Variants in TBC1D22A observed in about 807,000 individuals in gnomAD.
TBC1D22A encodes TBC1 domain family member 22A.
TBC1D22A carries 38 observed loss-of-function variants against 60.2 expected under a neutral mutation model. That is an observed-to-expected ratio of 0.63 (90% CI 0.49 to 0.83). The LOEUF is 0.83. TBC1D22A is among the 40% of genes least tolerant of loss of function. The pLI, the probability that TBC1D22A is intolerant of heterozygous loss-of-function variation, is 0.00. For synonymous variants in TBC1D22A, 302 were observed against 281.7 expected, an observed-to-expected ratio of 1.07 and a Z score of -0.72; for missense variants, 628 against 701.0, an observed-to-expected ratio of 0.90 and a Z score of 1.18.
chr22:46,852,317 C>T (rs1223237216), intron 4 of TBC1D22A, among the ~76,000 whole-genome samples: 2 of 152,222 alleles, frequency 1.3e-5, no homozygotes, highest in African/African-American at 2.4e-5. Context: ...TTTAGCACCT[C>T]CCCTCTTCCA....
chr22:46,942,167 G>T (rs1407918710), intron 8 of TBC1D22A, among the ~76,000 whole-genome samples: 2 of 151,952 alleles, frequency 1.3e-5, no homozygotes, highest in African/African-American at 4.8e-5. Flanking sequence ...ACAGTCCACA[G>T]TCTTACAGGA....
chr22:47,049,097 G>T (rs995560695), intron 11 of TBC1D22A, among the ~76,000 whole-genome samples: 1 of 152,208 alleles, frequency 6.6e-6, no homozygotes, highest in African/African-American at 2.4e-5. Flanking sequence ...GGAAGAGGAG[G>T]CCGGCGCTCC....
At chr22:46,821,314 C>A (rs950763882) in intron 4 of TBC1D22A, among the ~76,000 whole-genome samples, 3 of 152,126 alleles carry the variant, frequency 2.0e-5, no homozygotes, top group African/African-American at 7.2e-5. Flanking sequence ...CTAGTTGATG[C>A]AGTTGCTTCA....
At chr22:46,878,591 C>A in intron 4 of TBC1D22A, 62 bp from the exon 5 acceptor site, 1 of 1,441,272 alleles carries the variant, frequency 6.9e-7, no homozygotes, top group Non-Finnish European at 9.8e-7. Flanking sequence ...TGTTAAAGCA[C>A]TGGGGAGGTT....
At chr22:46,792,809 G>A in intron 2 of TBC1D22A, 1 of 1,443,208 alleles carries the variant, frequency 6.9e-7, no homozygotes, top group Admixed American at 2.8e-5. Flanking sequence ...GGGGAGGTGG[G>A]GGAGCCCTGG....
rs147698824 is a variant in TBC1D22A, at chr22:46,793,679, C to T, written c.298C>T (p.Arg100Cys). 5.2e-5 allele frequency: 84 copies of T among 1,613,106 alleles called. No homozygotes were observed. The highest frequency in any genetic ancestry group is 8.9e-5 in the East Asian group (4 of 44,862). ...CGAGGTGGTCATGGAGACGGCCAAC[C>T]GTGTGCTGCGTAACCACAGCCAGCG... Reference protein sequence around the residue: ...NSEVVMETANRVLRNHSQRQG... With the variant: ...NSEVVMETANCVLRNHSQRQG... The change falls in exon 3 of 13, where the codon CGT (arginine) becomes TGT (cysteine). Residue 100 changes from arginine (R) to cysteine (C), a missense_variant. Physicochemically the swap from Arg to Cys is radical, Grantham distance 180. Transcript: ENST00000337137.
At chr22:47,150,328 G>A (rs1408281719) in intron 12 of TBC1D22A, among the ~76,000 whole-genome samples, 9 of 152,134 alleles carry the variant, frequency 5.9e-5, no homozygotes, top group African/African-American at 2.2e-4. Flanking sequence ...CAGTGGGGTG[G>A]CGAGGGCTCC....
At chr22:47,065,258 A>G (rs910004521) in intron 11 of TBC1D22A, among the ~76,000 whole-genome samples, 1 of 152,254 alleles carries the variant, frequency 6.6e-6, no homozygotes, top group African/African-American at 2.4e-5. Flanking sequence ...GGCCTCCCAA[A>G]GTGCTGGGAT....
At chr22:46,835,921 G>A (rs1005599486) in intron 4 of TBC1D22A, among the ~76,000 whole-genome samples, 6 of 152,072 alleles carry the variant, frequency 3.9e-5, no homozygotes, top group African/African-American at 1.4e-4. Flanking sequence ...AGGAGTGAAT[G>A]GGCTGATATA....
At chr22:46,986,530 T>A (rs2074730048) in intron 9 of TBC1D22A, among the ~76,000 whole-genome samples, 2 of 152,352 alleles carry the variant, frequency 1.3e-5, no homozygotes, top group South Asian at 4.1e-4. Flanking sequence ...TTAATTTATT[T>A]AGATATTCTT....
chr22:46,820,994 T>G (rs2147095604), intron 4 of TBC1D22A, among the ~76,000 whole-genome samples: 1 of 152,294 alleles, frequency 6.6e-6, no homozygotes, highest in Non-Finnish European at 1.5e-5. Flanking sequence ...CTTCTTTGTC[T>G]TTTTTGATCT....
chr22:46,854,919 G>A (rs2087490976), intron 4 of TBC1D22A, among the ~76,000 whole-genome samples: 1 of 152,214 alleles, frequency 6.6e-6, no homozygotes, highest in South Asian at 2.1e-4. Context: ...CTTGTGAACA[G>A]TAACTATTAA....
intron 10 of TBC1D22A, among the ~76,000 whole-genome samples, chr22:47,032,291 G>A (rs1460069941): frequency 6.6e-6 from 1 of 152,214 alleles, no homozygotes; most frequent in African/African-American, 2.4e-5. Context: ...TCACATGTGT[G>A]GTGGGCCATG....
At chr22:46,789,198 T>C (rs1444263955) in intron 1 of TBC1D22A, 1 of 172,562 alleles carries the variant, frequency 5.8e-6, no homozygotes, top group Non-Finnish European at 1.3e-5. Context: ...CAATCTCGGC[T>C]CACTACAAGC....
At chr22:46,874,331 C>T (rs1001789473) in intron 4 of TBC1D22A, among the ~76,000 whole-genome samples, 8 of 152,038 alleles carry the variant, frequency 5.3e-5, no homozygotes, top group African/African-American at 1.9e-4. Flanking sequence ...AATGGTATTT[C>T]TGTCTCTAGG....
In TBC1D22A at chr22:47,169,253, G is replaced by A. The variant is rs111445266; in HGVS notation, c.1426-4245G>A. Among the ~76,000 whole-genome samples, 34 of 152,104 alleles carry A rather than the reference G, an allele frequency of 2.2e-4. 2 individuals carry two copies. The highest frequency in any genetic ancestry group is 7.2e-4 in the African/African-American group (30 of 41,484). ...GGTAGGGCCAACCCCCACCCCCACCGGCCCTCAACTTCAACAGGGGTTGCC... is the reference window on the plus strand; with the variant it reads ...GGTAGGGCCAACCCCCACCCCCACCAGCCCTCAACTTCAACAGGGGTTGCC... On this transcript the variant is annotated intron_variant, in intron 12 of 12. Coordinates refer to ENST00000337137, the MANE Select transcript of TBC1D22A (RefSeq NM_014346.5).
In TBC1D22A at chr22:46,935,062, C is replaced by T. The variant is rs151289855; in HGVS notation, c.1015+22874C>T. Among the ~76,000 whole-genome samples the T allele has an allele frequency of 1.3e-4, 20 of 152,230 alleles. No individual in the cohort carries two copies. The East Asian group carries it at 3.7e-3, about 28-fold the overall frequency. On this transcript the variant is annotated intron_variant, in intron 8 of 12. Coordinates refer to ENST00000337137, the MANE Select transcript of TBC1D22A (RefSeq NM_014346.5). Reference sequence around the variant, plus strand: ...GCTGGGCTTCCTCTGAGTGTCTCATCATGCAGGTTTTCAGGGTGAGTCATC... The same window carrying T: ...GCTGGGCTTCCTCTGAGTGTCTCATTATGCAGGTTTTCAGGGTGAGTCATC...
intron 8 of TBC1D22A, among the ~76,000 whole-genome samples, chr22:46,972,459 G>T (rs542603547): frequency 6.6e-6 from 1 of 152,222 alleles, no homozygotes; most frequent in East Asian, 1.9e-4. Flanking sequence ...CGGCTCAGTC[G>T]TGAAGAGGAG....
intron 11 of TBC1D22A, among the ~76,000 whole-genome samples, chr22:47,039,063 A>G (rs906689994): frequency 6.6e-6 from 1 of 152,210 alleles, no homozygotes; most frequent in African/African-American, 2.4e-5. Context: ...CATTACGAAT[A>G]AATTAGGTAT....
Sources: allele counts gnomAD v4.1 joint callset (sites outside exome capture counted in the v4.1 genomes callset), GRCh38; gene constraint gnomAD v4.1.1; transcripts MANE v1.5; gene names NCBI Gene and HGNC (gene_info 2026-07-23, HGNC 2026-07-21).